CNTNAP2: variants seen among roughly 807,000 people sequenced by gnomAD.
The protein encoded by CNTNAP2 is contactin associated protein 2, also known as contactin-associated protein-like 2.
Under a neutral mutation model 155.2 loss-of-function variants are expected in CNTNAP2, and 98 were observed. The ratio of observed to expected loss-of-function variants is 0.63; its 90% confidence interval spans 0.54 to 0.75. The LOEUF (loss-of-function observed/expected upper bound fraction) is 0.75. Among genes scored for constraint, CNTNAP2 ranks in the 30% least tolerant of loss-of-function variants. The pLI is 0.00. For synonymous variants in CNTNAP2, 651 were observed against 631.2 expected, an observed-to-expected ratio of 1.03 and a Z score of -0.47; for missense variants, 1,727 against 1,688.1, an observed-to-expected ratio of 1.02 and a Z score of -0.40.
intron 1 of CNTNAP2, among the ~76,000 whole-genome samples, chr7:146,199,022 T>A (rs2116863693): frequency 6.6e-6 from 1 of 152,294 alleles, no homozygotes; most frequent in South Asian, 2.1e-4. Context: ...TGTATCTACA[T>A]TTGTCGATTT....
At chr7:146,798,178 A>G (rs1368934295) in intron 2 of CNTNAP2, among the ~76,000 whole-genome samples, 3 of 151,992 alleles carry the variant, frequency 2.0e-5, no homozygotes, top group Non-Finnish European at 4.4e-5. Context: ...AGGCAGAGGC[A>G]CAAGGATCAC....
intron 1 of CNTNAP2, among the ~76,000 whole-genome samples, chr7:146,458,984 A>G (rs576937995): frequency 3.9e-5 from 6 of 152,264 alleles, no homozygotes; most frequent in Non-Finnish European, 8.8e-5. Flanking sequence ...CCCACATAAA[A>G]TATGTCACTT....
intron 21 of CNTNAP2, among the ~76,000 whole-genome samples, chr7:148,355,242 T>C (rs1405108016): frequency 1.6e-5 from 2 of 127,346 alleles, no homozygotes; most frequent in African/African-American, 6.0e-5. Context: ...AGTGCAGTGG[T>C]GCGATCTCGG....
At chr7:146,219,512 C>G (rs370708824) in intron 1 of CNTNAP2, among the ~76,000 whole-genome samples, 1 of 152,248 alleles carries the variant, frequency 6.6e-6, no homozygotes, top group East Asian at 1.9e-4. Flanking sequence ...ACTTTTCCAT[C>G]TTCATAAAAA....
chr7:146,818,548 A>C (rs1301598595), intron 2 of CNTNAP2, among the ~76,000 whole-genome samples: 1 of 152,282 alleles, frequency 6.6e-6, no homozygotes, highest in African/African-American at 2.4e-5. Flanking sequence ...GGAAAAAGAA[A>C]GCACACGATG....
intron 21 of CNTNAP2, among the ~76,000 whole-genome samples, chr7:148,374,645 T>C (rs1474267345): frequency 2.0e-5 from 3 of 152,204 alleles, no homozygotes; most frequent in Non-Finnish European, 4.4e-5. Context: ...AGATAAATTA[T>C]TTTTCTGTAC....
chr7:147,679,404 A>C (rs1214594637), intron 13 of CNTNAP2, among the ~76,000 whole-genome samples: 1 of 151,990 alleles, frequency 6.6e-6, no homozygotes, highest in Non-Finnish European at 1.5e-5. Flanking sequence ...CTAACAAATC[A>C]TTAACAAGGA....
chr7:148,341,083 G>A (rs1269298632), intron 21 of CNTNAP2, among the ~76,000 whole-genome samples: 4 of 152,102 alleles, frequency 2.6e-5, no homozygotes, highest in Non-Finnish European at 5.9e-5. Context: ...TGCACTTAGC[G>A]CTGATTGTGA....
intron 17 of CNTNAP2, among the ~76,000 whole-genome samples, chr7:148,156,697 G>A (rs1460271143): frequency 6.6e-6 from 1 of 152,006 alleles, no homozygotes; most frequent in African/African-American, 2.4e-5. Flanking sequence ...TATTAAATGG[G>A]CATCTTAGAA....
intron 11 of CNTNAP2, among the ~76,000 whole-genome samples, chr7:147,534,170 T>C (rs906606015): frequency 6.6e-6 from 1 of 152,124 alleles, no homozygotes; most frequent in African/African-American, 2.4e-5. Flanking sequence ...GAGACATTTG[T>C]GATTGTCCCA....
At chr7:146,357,300 C>A (rs1294107711) in intron 1 of CNTNAP2, among the ~76,000 whole-genome samples, 1 of 150,380 alleles carries the variant, frequency 6.6e-6, no homozygotes, top group Non-Finnish European at 1.5e-5. Context: ...TTGCATGAGT[C>A]AGTATTCCTT....
chr7:146,870,393 T>G (rs1245273855), intron 3 of CNTNAP2, among the ~76,000 whole-genome samples: 2 of 152,142 alleles, frequency 1.3e-5, no homozygotes, highest in Non-Finnish European at 2.9e-5. Flanking sequence ...TAGTTTCTGA[T>G]GGTTGTTTTT....
chr7:147,455,122 C>T (rs377096410), intron 10 of CNTNAP2, among the ~76,000 whole-genome samples: 77 of 152,214 alleles, frequency 5.1e-4, no homozygotes, highest in African/African-American at 1.8e-3. Context: ...ACTAAGTACA[C>T]CATATCTGAA....
intron 19 of CNTNAP2, among the ~76,000 whole-genome samples, chr7:148,219,763 GT>G (rs1232865714): frequency 6.6e-6 from 1 of 152,188 alleles, no homozygotes; most frequent in African/African-American, 2.4e-5. Flanking sequence ...GAGCCCAGAA[GT>G]TGCTGGAGCC....
chr7:147,427,041 C>T (rs933602153), intron 10 of CNTNAP2, among the ~76,000 whole-genome samples: 2 of 152,002 alleles, frequency 1.3e-5, no homozygotes, highest in African/African-American at 2.4e-5. Flanking sequence ...AGTCCAAAAT[C>T]GAGGCACCAG....
intron 18 of CNTNAP2, among the ~76,000 whole-genome samples, chr7:148,192,582 C>T (rs112715005): frequency 2.6e-5 from 4 of 150,948 alleles, no homozygotes; most frequent in African/African-American, 4.9e-5. Flanking sequence ...GCCGAGATCA[C>T]GCCATTGCAC....
intron 15 of CNTNAP2, among the ~76,000 whole-genome samples, chr7:148,017,261 G>A (rs1302961254): frequency 6.6e-6 from 1 of 152,096 alleles, no homozygotes; most frequent in Admixed American, 6.5e-5. Flanking sequence ...CTAAAATGTA[G>A]CTTCTTTGTT....
At chr7:147,120,804 C>T (rs1801094846) in intron 5 of CNTNAP2, among the ~76,000 whole-genome samples, 175 bp from the exon 6 acceptor site, 1 of 151,956 alleles carries the variant, frequency 6.6e-6, no homozygotes, top group Non-Finnish European at 1.5e-5. Flanking sequence ...CACAACAGTC[C>T]CCAGAACATA....
intron 14 of CNTNAP2, among the ~76,000 whole-genome samples, chr7:147,926,344 T>C (rs1800397837): frequency 6.6e-6 from 1 of 152,170 alleles, no homozygotes; most frequent in South Asian, 2.1e-4. Flanking sequence ...ACTTTAAAAA[T>C]TTAGTGAATT....
Sources: allele counts gnomAD v4.1 joint callset (sites outside exome capture counted in the v4.1 genomes callset), GRCh38; gene constraint gnomAD v4.1.1; transcripts MANE v1.5; gene names NCBI Gene and HGNC (gene_info 2026-07-23, HGNC 2026-07-21).